CDH12: variants seen among roughly 807,000 people sequenced by gnomAD.
CDH12 encodes cadherin-12.
Under a neutral mutation model 74.1 loss-of-function variants are expected in CDH12, and 41 were observed. The ratio of observed to expected loss-of-function variants is 0.55; its 90% confidence interval spans 0.43 to 0.72. The LOEUF is 0.72. Ranked by LOEUF, CDH12 falls within the 30% of genes least tolerant of loss-of-function variation. The pLI, the probability that CDH12 is intolerant of heterozygous loss-of-function variation, is 0.00. For missense variants in CDH12, 945 were observed against 977.2 expected (o/e 0.97, Z 0.44); for synonymous variants, 399 against 355.0 (o/e 1.12, Z -1.39).
intron 4 of CDH12, among the ~76,000 whole-genome samples, chr5:22,142,055 C>T (rs1284409333): frequency 2.6e-5 from 4 of 152,008 alleles, no homozygotes; most frequent in Non-Finnish European, 4.4e-5. Context: ...GATGGTGTTG[C>T]TATAAACTGG....
At chr5:22,394,075 A>G (rs1454526323) in intron 3 of CDH12, among the ~76,000 whole-genome samples, 1 of 152,172 alleles carries the variant, frequency 6.6e-6, no homozygotes, top group African/African-American at 2.4e-5. Flanking sequence ...AGCCTGTACA[A>G]ATTGCAAAGA....
intron 6 of CDH12, among the ~76,000 whole-genome samples, chr5:21,878,833 A>AAAGAGAGGGAGAGAGAGAGAAAG (rs1752083865): frequency 6.6e-6 from 1 of 150,870 alleles, no homozygotes; most frequent in Non-Finnish European, 1.5e-5. Flanking sequence ...AAAAGAAAAG[A>AAAGAGAGGGAGAGAGAGAGAAAG]AAAGAAAGAG....
At chr5:21,767,542 T>C (rs1745096226) in intron 11 of CDH12, among the ~76,000 whole-genome samples, 1 of 151,634 alleles carries the variant, frequency 6.6e-6, no homozygotes, top group African/African-American at 2.4e-5. Flanking sequence ...TGTGTGAAAC[T>C]TCCCTGATCA....
At chr5:21,955,352 T>C (rs1756048742) in intron 6 of CDH12, among the ~76,000 whole-genome samples, 1 of 151,972 alleles carries the variant, frequency 6.6e-6, no homozygotes, top group Non-Finnish European at 1.5e-5. Context: ...TTACTCAATA[T>C]ATATAAGGTA....
chr5:22,501,369 G>C (rs1417949161), intron 2 of CDH12, among the ~76,000 whole-genome samples: 2 of 152,100 alleles, frequency 1.3e-5, no homozygotes, highest in African/African-American at 2.4e-5. Context: ...TTTTCTGCTG[G>C]TCTCACTTGT....
chr5:22,360,280 C>G (rs34736149), intron 3 of CDH12, among the ~76,000 whole-genome samples: 67,663 of 151,812 alleles, frequency 0.45, 16,240 homozygotes, highest in Non-Finnish European at 0.54. Flanking sequence ...ATACAAAGTA[C>G]CATCAGAGAA....
chr5:21,834,019 G>GT (rs1749391235), intron 8 of CDH12, among the ~76,000 whole-genome samples: 1 of 151,856 alleles, frequency 6.6e-6, no homozygotes, highest in South Asian at 2.1e-4. Flanking sequence ...GTTTTATAAT[G>GT]TATCTTTGCT....
intron 6 of CDH12, among the ~76,000 whole-genome samples, chr5:21,884,818 T>C (rs6452020): frequency 0.88 from 133,959 of 152,214 alleles, 61,173 homozygotes; most frequent in Non-Finnish European, 0.99. Context: ...CCTTTTTAAA[T>C]ATATTCACTT....
intron 6 of CDH12, among the ~76,000 whole-genome samples, chr5:21,927,551 A>G (rs562366244): frequency 6.0e-4 from 92 of 152,248 alleles, no homozygotes; most frequent in African/African-American, 2.1e-3. Flanking sequence ...AGATTGTGCC[A>G]CTGCACTCCA....
intron 13 of CDH12, among the ~76,000 whole-genome samples, chr5:21,759,674 TATTTA>T (rs1744605223): frequency 6.6e-6 from 1 of 152,012 alleles, no homozygotes; most frequent in Non-Finnish European, 1.5e-5. Flanking sequence ...ATTTATTTAT[TATTTA>T]TTTATTTTTT....
intron 5 of CDH12, among the ~76,000 whole-genome samples, chr5:21,996,358 T>C (rs1330332596): frequency 2.6e-5 from 4 of 152,154 alleles, no homozygotes; most frequent in African/African-American, 9.7e-5. Context: ...AAGAAGAAAG[T>C]ATAGATTTTA....
chr5:22,647,769 A>T lies in CDH12; in HGVS notation c.-522-142405T>A, dbSNP rs147075995. On this transcript the variant is annotated intron_variant, in intron 1 of 14. Transcript: ENST00000382254. ...GTTCCTACTAATTTTTCTATTGCAG[A>T]TATTAGTTTTTACTCTGATTACAAT... 3.7e-4 allele frequency among the ~76,000 whole-genome samples: 56 copies of T among 151,984 alleles called. No individual in the cohort carries two copies. In the East Asian group the frequency reaches 0.01, roughly 28 times the overall value.
chr5:22,640,420 A>T (rs1739084742), intron 1 of CDH12, among the ~76,000 whole-genome samples: 1 of 152,194 alleles, frequency 6.6e-6, no homozygotes, highest in Non-Finnish European at 1.5e-5. Flanking sequence ...AAACTTCTTA[A>T]CACAATCCTA....
At chr5:22,130,387 T>A (rs1281465137) in intron 4 of CDH12, among the ~76,000 whole-genome samples, 1 of 152,122 alleles carries the variant, frequency 6.6e-6, no homozygotes, top group African/African-American at 2.4e-5. Flanking sequence ...GACATTAGAA[T>A]GCAAGAGATG....
At chr5:22,016,515 C>G (rs1580117613) in intron 5 of CDH12, among the ~76,000 whole-genome samples, 1 of 151,942 alleles carries the variant, frequency 6.6e-6, no homozygotes, top group Non-Finnish European at 1.5e-5. Flanking sequence ...CCTGCCTCAG[C>G]CTCCCAAGTA....
intron 1 of CDH12, among the ~76,000 whole-genome samples, chr5:22,789,168 A>C (rs2126376783): frequency 6.6e-6 from 1 of 152,180 alleles, no homozygotes; most frequent in South Asian, 2.1e-4. Context: ...AAAAAAGAGA[A>C]AAAAGGAACA....
intron 1 of CDH12, among the ~76,000 whole-genome samples, chr5:22,833,223 A>G (rs747314136): frequency 2.0e-5 from 3 of 152,184 alleles, no homozygotes; most frequent in Non-Finnish European, 4.4e-5. Flanking sequence ...AATCTTTTCT[A>G]TGTTCTGACA....
intron 9 of CDH12, 93 bp from the exon 10 acceptor site, chr5:21,802,513 A>G: frequency 9.5e-7 from 1 of 1,057,646 alleles, no homozygotes. Context: ...GCAAGTTATT[A>G]TCAATTATAC....
intron 1 of CDH12, among the ~76,000 whole-genome samples, chr5:22,609,615 A>T (rs2126824273): frequency 6.6e-6 from 1 of 152,326 alleles, no homozygotes; most frequent in East Asian, 1.9e-4. Context: ...AGCAACTGAA[A>T]TCAATTCCTT....
Sources: gnomAD v4.1 joint callset for allele counts (sites outside exome capture counted in the v4.1 genomes callset) on GRCh38, gnomAD v4.1.1 for gene constraint, MANE v1.5 for transcripts, NCBI Gene and HGNC (gene_info 2026-07-23, HGNC 2026-07-21) for gene names.